Variants in KAZN observed in about 807,000 individuals in gnomAD.
KAZN encodes kazrin, periplakin interacting protein.
Under a neutral mutation model 87.4 loss-of-function variants are expected in KAZN, and 40 were observed. That is an observed-to-expected ratio of 0.46 (90% confidence interval 0.36 to 0.60). The LOEUF is 0.60. Ranked by LOEUF, KAZN falls within the 20% of genes least tolerant of loss-of-function variation. The pLI is 0.00. For missense variants in KAZN, 898 were observed against 1,073.9 expected, an observed-to-expected ratio of 0.84 and a Z score of 2.29; for synonymous variants, 466 against 458.3, an observed-to-expected ratio of 1.02 and a Z score of -0.22.
chr1:14,391,923 G>C (rs1662470783), intron 2 of KAZN, among the ~76,000 whole-genome samples: 1 of 152,114 alleles, frequency 6.6e-6, no homozygotes, highest in African/African-American at 2.4e-5. Context: ...AGTAGATATG[G>C]GATGACCGTA....
At chr1:14,587,604 G>T (rs1472068599) in intron 2 of KAZN, among the ~76,000 whole-genome samples, 5 of 151,910 alleles carry the variant, frequency 3.3e-5, no homozygotes, top group African/African-American at 1.2e-4. Context: ...GTGAGAGTGG[G>T]GGGCGGGTGA....
chr1:14,454,697 C>A (rs1367140184), intron 2 of KAZN, among the ~76,000 whole-genome samples: 1 of 152,080 alleles, frequency 6.6e-6, no homozygotes, highest in African/African-American at 2.4e-5. Flanking sequence ...AGCAGTGGTA[C>A]TCATGAATGT....
chr1:14,446,155 C>G (rs1374246811), intron 2 of KAZN, among the ~76,000 whole-genome samples: 1 of 152,170 alleles, frequency 6.6e-6, no homozygotes, highest in Non-Finnish European at 1.5e-5. Flanking sequence ...ATCATCATGC[C>G]ACTACACTCC....
At chr1:13,897,578 A>G (rs1191644393) in intron 1 of KAZN, among the ~76,000 whole-genome samples, 1 of 152,156 alleles carries the variant, frequency 6.6e-6, no homozygotes, top group Admixed American at 6.5e-5. Context: ...CCAAATCTAT[A>G]GCACCTGTGC....
intron 1 of KAZN, among the ~76,000 whole-genome samples, chr1:13,895,994 T>A (rs1639027421): frequency 6.6e-6 from 1 of 151,674 alleles, no homozygotes. Flanking sequence ...TTTCATAATT[T>A]TTTTTTTTAT....
chr1:14,639,194 G>A (rs947132323), intron 1 of KAZN, among the ~76,000 whole-genome samples: 1 of 152,100 alleles, frequency 6.6e-6, no homozygotes, highest in Non-Finnish European at 1.5e-5. Flanking sequence ...AGGGCTCTGG[G>A]CCCAAGAGAG....
intron 1 of KAZN, among the ~76,000 whole-genome samples, chr1:14,064,660 C>T (rs190014276): frequency 1.3e-5 from 2 of 151,818 alleles, no homozygotes; most frequent in African/African-American, 2.4e-5. Context: ...AGAGGGTGTG[C>T]GCCTGAGAGC....
chr1:15,083,690 C>G (rs756261393), intron 8 of KAZN, among the ~76,000 whole-genome samples: 6 of 152,108 alleles, frequency 3.9e-5, no homozygotes, highest in Non-Finnish European at 8.8e-5. Context: ...CTCTCTGTCT[C>G]TCTCTGTGTC....
rs1037207442 is a variant in KAZN, at chr1:14,943,529, G to A, written c.227-17155G>A. On this transcript the variant is annotated intron_variant, in intron 1 of 14. Transcript: ENST00000376030. ...TGGTTCTTGAGGGAGGAGCAGGAGG[G>A]AAAATAATAACCAAAATGTATGTAG... is the stretch of plus-strand genomic sequence containing the variant. Among the ~76,000 whole-genome samples, 129 of 152,308 alleles carry A rather than the reference G, an allele frequency of 8.5e-4. 2 individuals are homozygous for A. The highest frequency in any genetic ancestry group is 7.4e-5 in the Non-Finnish European group (5 of 68,024).
chr1:14,172,854 G>T (rs758807877), intron 1 of KAZN, among the ~76,000 whole-genome samples: 1 of 152,248 alleles, frequency 6.6e-6, no homozygotes, highest in Non-Finnish European at 1.5e-5. Flanking sequence ...ACCTGGGCTG[G>T]ATGGTTAGAA....
chr1:15,080,896 T>A (rs61772222), intron 8 of KAZN, among the ~76,000 whole-genome samples: 12,372 of 152,104 alleles, frequency 0.081, 539 homozygotes, highest in East Asian at 0.18. Flanking sequence ...CAGCAGCTTG[T>A]GGTTGGAGGC....
At chr1:14,693,928 G>T (rs1033811694) in intron 1 of KAZN, among the ~76,000 whole-genome samples, 6 of 152,188 alleles carry the variant, frequency 3.9e-5, no homozygotes, top group Admixed American at 6.5e-5. Flanking sequence ...GACCATGATG[G>T]TCTGTTACTG....
chr1:14,448,056 CA>C (rs1667080686), intron 2 of KAZN, among the ~76,000 whole-genome samples: 1 of 152,210 alleles, frequency 6.6e-6, no homozygotes, highest in Admixed American at 6.5e-5. Context: ...AGCTTGTCCA[CA>C]GGACAAACTG....
chr1:14,082,924 G>A (rs1315420040), intron 1 of KAZN, among the ~76,000 whole-genome samples: 1 of 152,208 alleles, frequency 6.6e-6, no homozygotes, highest in African/African-American at 2.4e-5. Flanking sequence ...GGCCAGGCGT[G>A]GTGGCTCACG....
At chr1:14,035,502 C>T (rs528208623) in intron 1 of KAZN, among the ~76,000 whole-genome samples, 1 of 151,478 alleles carries the variant, frequency 6.6e-6, no homozygotes, top group South Asian at 2.1e-4. Flanking sequence ...TTCTGTCTCC[C>T]AGGCTGGAGT....
intron 2 of KAZN, among the ~76,000 whole-genome samples, chr1:14,359,370 G>A (rs1055935062): frequency 6.6e-6 from 1 of 151,932 alleles, no homozygotes; most frequent in Non-Finnish European, 1.5e-5. Context: ...GCACACTGAT[G>A]GGTCTTGACT....
Position 15,066,779 on chromosome 1 carries a change from C to T in KAZN, c.1222+1026C>T, listed in dbSNP as rs1639255678. The T allele has an allele frequency of 1.5e-5, 15 of 985,446 alleles. No individual in the cohort carries two copies. Among genetic ancestry groups the T allele is most frequent in the Non-Finnish European group, 1.8e-5 (15 of 829,952 alleles). The allele number at this position is 985,446 out of a possible 1,614,324, so 61.0% of individuals were successfully genotyped here. On this transcript the variant is annotated intron_variant, in intron 8 of 14. Coordinates refer to ENST00000376030, the MANE Select transcript of KAZN (RefSeq NM_201628.3). This position sits in a 1 kb window ranked among gnomAD's most constrained non-coding sequence, Gnocchi z 4.3. ...CCAGAACCCAGGGACCATTGGATTTCAAAGCTTGCTTTTTCTGTTGGTTCT... is the reference window on the plus strand; with the variant it reads ...CCAGAACCCAGGGACCATTGGATTTTAAAGCTTGCTTTTTCTGTTGGTTCT...
chr1:14,213,715 T>C (rs1646901886), intron 2 of KAZN, among the ~76,000 whole-genome samples: 2 of 152,154 alleles, frequency 1.3e-5, no homozygotes, highest in Admixed American at 1.3e-4. Context: ...TGACTTACTT[T>C]TAAAAGGAAC....
At chr1:13,972,418 C>T (rs574568930) in intron 1 of KAZN, among the ~76,000 whole-genome samples, 1 of 152,150 alleles carries the variant, frequency 6.6e-6, no homozygotes, top group South Asian at 2.1e-4. Flanking sequence ...ATGCTCCCAG[C>T]ATCTTGTGGG....
Sources: allele counts gnomAD v4.1 joint callset (sites outside exome capture counted in the v4.1 genomes callset), GRCh38; gene constraint gnomAD v4.1.1; non-coding constraint Gnocchi (gnomAD v3.1); transcripts MANE v1.5; gene names NCBI Gene and HGNC (gene_info 2026-07-23, HGNC 2026-07-21).